The following PLCB4 variants were observed in gnomAD, a reference collection of about 807,000 sequenced individuals.
PLCB4 encodes the protein 1-phosphatidylinositol 4,5-bisphosphate phosphodiesterase beta-4.
Under a neutral mutation model 178.8 loss-of-function variants are expected in PLCB4, and 77 were observed. The ratio of observed to expected loss-of-function variants is 0.43; its 90% CI spans 0.36 to 0.52. PLCB4 has a LOEUF of 0.52. Among genes scored for constraint, PLCB4 ranks in the 20% least tolerant of loss-of-function variants. The pLI, the probability that PLCB4 is intolerant of heterozygous loss-of-function variation, is 0.00. For synonymous variants in PLCB4, 496 were observed against 490.8 expected (o/e 1.01, Z -0.14); for missense variants, 1,024 against 1,453.4 (o/e 0.70, Z 4.80).
intron 25 of PLCB4, among the ~76,000 whole-genome samples, chr20:9,417,056 T>C (rs1170146548): frequency 1.3e-5 from 2 of 152,170 alleles, no homozygotes; most frequent in Non-Finnish European, 2.9e-5. Flanking sequence ...AAGTTATGCT[T>C]CTAAGAAAAA....
At chr20:9,281,885 A>G (rs915645359) in intron 3 of PLCB4, among the ~76,000 whole-genome samples, 1 of 152,016 alleles carries the variant, frequency 6.6e-6, no homozygotes, top group Non-Finnish European at 1.5e-5. Flanking sequence ...TACTAATAAT[A>G]TCAGCCATCC....
At chr20:9,234,649 C>T (rs1420937522) in intron 3 of PLCB4, among the ~76,000 whole-genome samples, 1 of 151,994 alleles carries the variant, frequency 6.6e-6, no homozygotes, top group African/African-American at 2.4e-5. Flanking sequence ...CATTGAGGAC[C>T]TTGACGAGAG....
intron 4 of PLCB4, among the ~76,000 whole-genome samples, chr20:9,333,222 A>G (rs962691754): frequency 1.3e-5 from 2 of 152,206 alleles, no homozygotes; most frequent in East Asian, 1.9e-4. Context: ...GCTAGGTGCT[A>G]GAACACAAAG....
At chr20:9,294,210 T>C (rs2094609001) in intron 3 of PLCB4, among the ~76,000 whole-genome samples, 1 of 152,134 alleles carries the variant, frequency 6.6e-6, no homozygotes, top group Admixed American at 6.6e-5. Context: ...CATAAAGGTT[T>C]GGGCCAAAAG....
chr20:9,373,924 C>G (rs962160385), intron 12 of PLCB4, among the ~76,000 whole-genome samples: 2 of 152,024 alleles, frequency 1.3e-5, no homozygotes, highest in Admixed American at 6.6e-5. Context: ...TTTTCTAACA[C>G]ATTAATAAGA....
intron 34 of PLCB4, among the ~76,000 whole-genome samples, chr20:9,459,104 G>A (rs2043228725): frequency 6.6e-6 from 1 of 152,240 alleles, no homozygotes; most frequent in Non-Finnish European, 1.5e-5. Context: ...GGCACTCTGG[G>A]AGGCCGAGGC....
intron 19 of PLCB4, among the ~76,000 whole-genome samples, chr20:9,397,152 C>A (rs767374642): frequency 6.6e-6 from 1 of 152,180 alleles, no homozygotes; most frequent in African/African-American, 2.4e-5. Flanking sequence ...TATTTTAAAT[C>A]CTGTGTTGTC....
At chr20:9,262,466 T>G (rs982205093) in intron 3 of PLCB4, among the ~76,000 whole-genome samples, 2 of 152,118 alleles carry the variant, frequency 1.3e-5, no homozygotes, top group Non-Finnish European at 2.9e-5. Flanking sequence ...GCATGGAGGA[T>G]GAGGCAGGAT....
chr20:9,074,135 G>A (rs750595902), intron 1 of PLCB4, among the ~76,000 whole-genome samples: 14 of 152,170 alleles, frequency 9.2e-5, no homozygotes, highest in Admixed American at 4.6e-4. Flanking sequence ...AATGCTGACA[G>A]ATGCCCTCTT....
chr20:9,338,540 G>T (rs11905949), intron 6 of PLCB4, among the ~76,000 whole-genome samples: 4,092 of 152,072 alleles, frequency 0.027, 180 homozygotes, highest in African/African-American at 0.094. Flanking sequence ...ATTAGGGTGT[G>T]TTAGCATGTG....
chr20:9,086,780 A>C (rs2090443895), intron 1 of PLCB4, among the ~76,000 whole-genome samples: 1 of 152,220 alleles, frequency 6.6e-6, no homozygotes, highest in Non-Finnish European at 1.5e-5. Flanking sequence ...AGGTTTCGAA[A>C]AGGAAATTGG....
At chr20:9,222,560 T>A (rs998610512) in intron 3 of PLCB4, among the ~76,000 whole-genome samples, 1 of 152,224 alleles carries the variant, frequency 6.6e-6, no homozygotes, top group Admixed American at 6.5e-5. Context: ...TACAGCAGCC[T>A]AAACTGGAGG....
intron 4 of PLCB4, among the ~76,000 whole-genome samples, chr20:9,310,104 TA>T (rs1251267304): frequency 6.6e-6 from 1 of 152,162 alleles, no homozygotes; most frequent in Non-Finnish European, 1.5e-5. Context: ...ACAGCCAGTT[TA>T]AAAAATAATT....
rs764119420 is a variant in PLCB4, at chr20:9,098,739, A to ATGTGTGTG, written c.-79+2398_-79+2399insGTGTGTGT. On this transcript the variant is annotated intron_variant, in intron 2 of 39. Coordinates refer to ENST00000378473, the MANE Select transcript of PLCB4 (RefSeq NM_001377142.1). ...TACGTGTGTGTGTATATATATACATATATGTGTGTGTGTGTGTGTGTGTGT... is the reference window on the plus strand; with the variant it reads ...TACGTGTGTGTGTATATATATACATATGTGTGTGTATGTGTGTGTGTGTGTGTGTGTGT... Among the ~76,000 whole-genome samples, 58 of 49,256 alleles carry ATGTGTGTG rather than the reference A, an allele frequency of 1.2e-3. No homozygotes were observed. The South Asian group carries it at 0.016, about 14-fold the overall frequency. 32.3% of individuals were successfully genotyped at this position (49,256 alleles called of 152,430 possible).
chr20:9,434,678 C>G (rs2041653069), intron 28 of PLCB4, among the ~76,000 whole-genome samples: 1 of 151,928 alleles, frequency 6.6e-6, no homozygotes, highest in Middle Eastern at 3.4e-3. Context: ...GTCCGGCCAA[C>G]CATGTGCAAA....
intron 2 of PLCB4, among the ~76,000 whole-genome samples, chr20:9,117,647 C>A (rs540356806): frequency 6.6e-6 from 1 of 152,156 alleles, no homozygotes; most frequent in African/African-American, 2.4e-5. Flanking sequence ...ATATTCTGAC[C>A]CTTTTCTTTC....
chr20:9,419,545 A>T (rs916991068), intron 25 of PLCB4, among the ~76,000 whole-genome samples: 1 of 152,152 alleles, frequency 6.6e-6, no homozygotes, highest in Admixed American at 6.5e-5. Flanking sequence ...ACATATAAAG[A>T]AAAGTATTTA....
chr20:9,420,430 C>T (rs4816135), intron 26 of PLCB4, among the ~76,000 whole-genome samples: 6,318 of 152,066 alleles, frequency 0.042, 311 homozygotes, highest in East Asian at 0.24. Context: ...CTCCTCCTCC[C>T]GGTTTCAAGT....
At chr20:9,348,392 C>T (rs539412776) in intron 7 of PLCB4, among the ~76,000 whole-genome samples, 5 of 152,022 alleles carry the variant, frequency 3.3e-5, no homozygotes, top group Admixed American at 6.5e-5. Flanking sequence ...ACTGGGAGTA[C>T]GATGATACAG....
Sources: gnomAD v4.1 joint callset for allele counts (sites outside exome capture counted in the v4.1 genomes callset) on GRCh38, gnomAD v4.1.1 for gene constraint, MANE v1.5 for transcripts, NCBI Gene and HGNC (gene_info 2026-07-23, HGNC 2026-07-21) for gene names.